PASD1: variants seen among roughly 807,000 people sequenced by gnomAD.
PASD1 encodes the protein PAS domain containing repressor 1.
In PASD1, 13 loss-of-function variants were observed where a neutral mutation model predicts 58.8. The ratio of observed to expected loss-of-function variants is 0.22; its 90% CI spans 0.14 to 0.35. The LOEUF (loss-of-function observed/expected upper bound fraction) is 0.35. Ranked by LOEUF, PASD1 falls within the 10% of genes least tolerant of loss-of-function variation. PASD1 has a pLI of 1.00. For missense variants in PASD1, 734 were observed against 568.3 expected, an observed-to-expected ratio of 1.29 and a Z score of -2.96; for synonymous variants, 236 against 216.7, an observed-to-expected ratio of 1.09 and a Z score of -0.78.
chrX:151,566,763 C>T (rs2012848456), intron 1 of PASD1, among the ~76,000 whole-genome samples: 1 of 111,639 alleles, frequency 9.0e-6, no homozygotes, highest in Non-Finnish European at 1.9e-5. Flanking sequence ...GTCATATTTA[C>T]ACTTAAAAAG....
At chrX:151,591,877 A>G (rs910800543) in intron 1 of PASD1, among the ~76,000 whole-genome samples, 4 of 111,813 alleles carry the variant, frequency 3.6e-5, no homozygotes, top group Non-Finnish European at 7.5e-5. Context: ...AAACACAGAA[A>G]GGGCTATATT....
At chrX:151,570,579 T>G (rs1223827192) in intron 1 of PASD1, among the ~76,000 whole-genome samples, 2 of 112,581 alleles carry the variant, frequency 1.8e-5, no homozygotes, top group African/African-American at 6.5e-5. Flanking sequence ...TGAAAGGGTT[T>G]TGATCTCTTT....
At chrX:151,673,426 C>CAATA (rs1212783412) in intron 14 of PASD1, 1 of 123,378 alleles carries the variant, frequency 8.1e-6, no homozygotes, top group Non-Finnish European at 1.7e-5. Context: ...GCTTTAGGGC[C>CAATA]ATATTGTCCA....
chrX:151,674,317 G>A (rs769436627), intron 15 of PASD1, 131 bp downstream of exon 15: 49 of 879,478 alleles, frequency 5.6e-5, no homozygotes, highest in African/African-American at 4.2e-4. Context: ...TACATTTGAC[G>A]GCAGTTAGTC....
intron 12 of PASD1, 90 bp from the exon 13 acceptor site, chrX:151,671,483 G>C (rs986476253): frequency 1.9e-6 from 2 of 1,031,231 alleles, no homozygotes; most frequent in Admixed American, 2.3e-5. Flanking sequence ...GCTTGCCTGT[G>C]GGCAGTCCTG....
chrX:151,625,279 A>C (rs1465588237), intron 7 of PASD1, among the ~76,000 whole-genome samples, 169 bp from the exon 8 acceptor site: 1 of 112,185 alleles, frequency 8.9e-6, no homozygotes, highest in Non-Finnish European at 1.9e-5. Flanking sequence ...AAATCATTAT[A>C]TCTCTAATCC....
chrX:151,664,028 C>T, intron 10 of PASD1, 91 bp from the exon 11 acceptor site: 1 of 1,142,798 alleles, frequency 8.8e-7, no homozygotes. Context: ...TCATCCTTAA[C>T]ATGGGCTAAA....
intron 8 of PASD1, among the ~76,000 whole-genome samples, chrX:151,628,553 T>A (rs1676445354): frequency 8.9e-6 from 1 of 111,826 alleles, no homozygotes; most frequent in Admixed American, 9.5e-5. Context: ...GGTCTATATC[T>A]CTGTTTTGGT....
At chrX:151,665,207 G>T (rs144311163) in intron 11 of PASD1, among the ~76,000 whole-genome samples, 1 of 112,039 alleles carries the variant, frequency 8.9e-6, no homozygotes, top group African/African-American at 3.2e-5. Flanking sequence ...GCCTTGCGGG[G>T]ATTTGCAGAC....
chrX:151,646,588 A>G (rs2014063299), intron 8 of PASD1, among the ~76,000 whole-genome samples: 1 of 112,787 alleles, frequency 8.9e-6, no homozygotes, highest in Non-Finnish European at 1.9e-5. Context: ...TGGACAATGC[A>G]GCAAGCAATA....
chrX:151,572,011 T>C (rs754600892), intron 1 of PASD1, among the ~76,000 whole-genome samples: 2 of 111,024 alleles, frequency 1.8e-5, no homozygotes, highest in African/African-American at 3.3e-5. Flanking sequence ...GTGAGTCAAT[T>C]CTCAGAAAAT....
chrX:151,649,067 A>G (rs2014098480), intron 9 of PASD1, among the ~76,000 whole-genome samples: 1 of 112,029 alleles, frequency 8.9e-6, no homozygotes, highest in Non-Finnish European at 1.9e-5. Context: ...TCTCTAAGAC[A>G]ACGAATGTAT....
At chrX:151,605,828 G>C (rs2013481268) in intron 3 of PASD1, among the ~76,000 whole-genome samples, 1 of 111,366 alleles carries the variant, frequency 9.0e-6, no homozygotes. Flanking sequence ...GGGCTCAAGC[G>C]ATCCACCTTG....
At chrX:151,615,247 T>G (rs936845653) in intron 4 of PASD1, among the ~76,000 whole-genome samples, 1 of 110,619 alleles carries the variant, frequency 9.0e-6, no homozygotes, top group African/African-American at 3.3e-5. Context: ...ATGTATTTGG[T>G]TCAAAGTTTT....
In PASD1 at chrX:151,672,220, AGCAGCGGCAGCTGCGGGAGCAGCT is replaced by A; in HGVS notation, c.1479_1502del (p.Arg494_Gln501del). On this transcript the variant is annotated inframe_deletion, in exon 14 of 16. Coordinates refer to ENST00000370357, the MANE Select transcript of PASD1 (RefSeq NM_173493.3). ...CAGCAAGAACAACACCTGAAGGAGC[AGCAGCGGCAGCTGCGGGAGCAGCT>A]GCAACAGCTGAGAGAGCAAAGGAAG... The A allele has an allele frequency of 8.8e-7, 1 of 1,137,530 alleles. No individual in the cohort carries two copies. Among genetic ancestry groups the A allele is most frequent in the Non-Finnish European group, 1.2e-6 (1 of 850,939 alleles). The allele number at this position is 1,137,530 out of a possible 1,213,427, so 93.7% of individuals were successfully genotyped here.
intron 8 of PASD1, among the ~76,000 whole-genome samples, chrX:151,628,765 C>T (rs1368522753): frequency 1.8e-5 from 2 of 111,550 alleles, no homozygotes; most frequent in African/African-American, 3.3e-5. Context: ...GCATTGAATC[C>T]ATAAATTACC....
intron 6 of PASD1, 122 bp from the exon 7 acceptor site, chrX:151,622,815 A>AT (rs1410681936): frequency 1.7e-5 from 13 of 753,144 alleles, no homozygotes; most frequent in Non-Finnish European, 2.0e-5. Flanking sequence ...GAAAAATCCC[A>AT]TGGCTCAGAA....
chrX:151,566,682 C>CT (rs1354575707), intron 1 of PASD1, among the ~76,000 whole-genome samples: 2 of 112,016 alleles, frequency 1.8e-5, no homozygotes, highest in African/African-American at 6.5e-5. Flanking sequence ...TTGCATTATG[C>CT]TTACTGGGCG....
chrX:151,676,093 C>T lies in PASD1; in HGVS notation c.2272C>T (p.Gln758Ter). ...YQPDQMRSAE[Q>*]TRLMPAEQRD... The stretch of plus-strand genomic sequence containing the variant: ...GCCAGACCAGATGAGATCTGCGGAG[C>T]AGACCAGATTGATGCCTGCAGAGCA... Residue 758 changes from glutamine (Q) to a stop codon, truncating the protein, a stop_gained, in exon 16 of 16, where the codon CAG (glutamine) becomes TAG (stop). Transcript: ENST00000370357. LOFTEE classifies it low-confidence loss of function (END_TRUNC). The T allele has an allele frequency of 8.3e-7, 1 of 1,210,815 alleles. No homozygotes were observed. Among genetic ancestry groups the T allele is most frequent in the Non-Finnish European group, 1.1e-6 (1 of 895,185 alleles).
Sources: gnomAD v4.1 joint callset for allele counts (sites outside exome capture counted in the v4.1 genomes callset) on GRCh38, gnomAD v4.1.1 for gene constraint, MANE v1.5 for transcripts, NCBI Gene and HGNC (gene_info 2026-07-23, HGNC 2026-07-21) for gene names.